AFF1: variants seen among roughly 807,000 people sequenced by gnomAD.
AFF1 encodes ALF transcription elongation factor 1, also known as AF4/FMR2 family member 1.
Under a neutral mutation model 121.7 loss-of-function variants are expected in AFF1, and 48 were observed. The observed-to-expected ratio is 0.39, with a 90% CI of 0.31 to 0.50. The LOEUF is 0.50. Among genes scored for constraint, AFF1 ranks in the 20% least tolerant of loss-of-function variants. The pLI is 0.76. For missense variants in AFF1, 1,523 were observed against 1,511.7 expected (o/e 1.01, Z -0.12); for synonymous variants, 613 against 563.0 (o/e 1.09, Z -1.26).
At chr4:87,119,591 C>T (rs1034498019) in intron 12 of AFF1, among the ~76,000 whole-genome samples, 8 of 152,044 alleles carry the variant, frequency 5.3e-5, no homozygotes, top group African/African-American at 1.4e-4. Flanking sequence ...AAAATAAACA[C>T]GTAACGTGCA....
chr4:87,127,798 G>C (rs1237520810), intron 16 of AFF1, 95 bp downstream of exon 16: 1 of 1,272,274 alleles, frequency 7.9e-7, no homozygotes, highest in South Asian at 1.3e-5. Flanking sequence ...ATATCACTCA[G>C]CGTATGTGCG....
At chr4:87,117,062 C>G (rs933902364) in intron 12 of AFF1, among the ~76,000 whole-genome samples, 1 of 152,144 alleles carries the variant, frequency 6.6e-6, no homozygotes, top group Non-Finnish European at 1.5e-5. Flanking sequence ...CAGGTACTCA[C>G]TTCTGAAAGG....
chr4:87,013,032 CTTTTTTTTTTTTT>C lies in AFF1; in HGVS notation c.39-33120_39-33108del, dbSNP rs61071328. On this transcript the variant is annotated intron_variant, in intron 2 of 20. Transcript: ENST00000395146. Reference sequence around the variant, plus strand: ...AACCAGATTGAACTGCTATCAAGTTCTTTTTTTTTTTTTTTTTTTTTTTTTTGGGAGACGGAGT... The same window carrying C: ...AACCAGATTGAACTGCTATCAAGTTCTTTTTTTTTTTTTGGGAGACGGAGT... Among the ~76,000 whole-genome samples, 86 of 93,490 alleles carry C rather than the reference CTTTTTTTTTTTTT, an allele frequency of 9.2e-4. 1 individual carries two copies. In the East Asian group the frequency reaches 0.026, roughly 28 times the overall value. The allele number at this position is 93,490 out of a possible 152,430, so 61.3% of individuals were successfully genotyped here. A position where few individuals can be genotyped will look rare whatever the true frequency, so the allele number is the denominator to read the frequency against.
In AFF1 at chr4:87,138,454, G is replaced by A. The variant is rs939425061; in HGVS notation, c.*2753G>A. The A allele has an allele frequency of 3.4e-5, 8 of 232,474 alleles. No individual in the cohort carries two copies. The highest frequency in any genetic ancestry group is 8.8e-5 in the African/African-American group (4 of 45,242). 14.4% of individuals were successfully genotyped at this position (232,474 alleles called of 1,614,324 possible). On this transcript the variant is annotated 3_prime_UTR_variant, in exon 21 of 21. Transcript: ENST00000395146. ...ACAAATGCAAAGCATCTTAAGGAGTGAAAATAGAGTGTAAATCTTGCCTTT... is the reference window on the plus strand; with the variant it reads ...ACAAATGCAAAGCATCTTAAGGAGTAAAAATAGAGTGTAAATCTTGCCTTT...
chr4:87,070,901 C>A (rs1196523543), intron 4 of AFF1, among the ~76,000 whole-genome samples: 1 of 152,142 alleles, frequency 6.6e-6, no homozygotes, highest in Non-Finnish European at 1.5e-5. Context: ...GATAGTGTTT[C>A]CACTTTTTAC....
intron 2 of AFF1, among the ~76,000 whole-genome samples, chr4:86,981,733 TTTA>T (rs1249632681): frequency 1.4e-4 from 21 of 150,432 alleles, no homozygotes; most frequent in Non-Finnish European, 1.5e-5. Context: ...GTTAGGACAG[TTTA>T]TTAACTGTGC....
At chr4:86,939,058 A>G (rs930813657) in intron 1 of AFF1, among the ~76,000 whole-genome samples, 6 of 152,332 alleles carry the variant, frequency 3.9e-5, no homozygotes, top group East Asian at 3.9e-4. Flanking sequence ...CCGCGTAAGT[A>G]TTGAGTAGCT....
In AFF1 at chr4:87,115,036, G is replaced by T; in HGVS notation, c.2203G>T (p.Val735Leu). 6.2e-7 allele frequency: 1 copy of T among 1,614,170 alleles called. No homozygotes were observed. Among genetic ancestry groups the T allele is most frequent in the Non-Finnish European group, 8.5e-7 (1 of 1,180,032 alleles). ...CAGGACTAGTGGCTGCCGCCAAGCCGTGGTGGTCCAGGAGGACAGCCGCAA... is the reference window on the plus strand; with the variant it reads ...CAGGACTAGTGGCTGCCGCCAAGCCTTGGTGGTCCAGGAGGACAGCCGCAA... ...GSRTSGCRQA[V>L]VVQEDSRKDR... Residue 735 changes from valine (V) to leucine (L), a missense_variant, in exon 12 of 21, where the codon GTG becomes TTG. Val to Leu is a conservative substitution (Grantham distance 32, BLOSUM62 1). This residue lies in a region of AFF1 where 905 missense variants were observed against 842.5 expected (regional missense o/e 1.07). Transcript: ENST00000395146.
chr4:86,968,396 C>G (rs1266590320), intron 2 of AFF1, among the ~76,000 whole-genome samples: 1 of 152,052 alleles, frequency 6.6e-6, no homozygotes, highest in Non-Finnish European at 1.5e-5. Context: ...AGTGATTTGC[C>G]TGCTTTTTGT....
chr4:86,938,793 C>A (rs1720236713), intron 1 of AFF1, among the ~76,000 whole-genome samples: 1 of 152,236 alleles, frequency 6.6e-6, no homozygotes, highest in South Asian at 2.1e-4. Flanking sequence ...ATAGACTTGA[C>A]ACCATGAGAC....
chr4:86,939,088 C>T (rs1213827312), intron 1 of AFF1, among the ~76,000 whole-genome samples: 1 of 152,028 alleles, frequency 6.6e-6, no homozygotes, highest in African/African-American at 2.4e-5. Flanking sequence ...CAGACGGTAT[C>T]CTAAGCATTG....
chr4:86,980,949 C>CCT (rs1560515093), intron 2 of AFF1, among the ~76,000 whole-genome samples: 2 of 119,278 alleles, frequency 1.7e-5, no homozygotes, highest in Non-Finnish European at 1.8e-5. Flanking sequence ...CTTGAGGCAC[C>CCT]CCCCCCCTCC....
chr4:87,034,466 T>C (rs1451550460), intron 2 of AFF1, among the ~76,000 whole-genome samples: 1 of 152,236 alleles, frequency 6.6e-6, no homozygotes, highest in African/African-American at 2.4e-5. Flanking sequence ...ATGATGTATT[T>C]ATAGCAGCAT....
At chr4:87,088,510 GAA>G (rs2149710917) in intron 5 of AFF1, among the ~76,000 whole-genome samples, 1 of 152,318 alleles carries the variant, frequency 6.6e-6, no homozygotes, top group Admixed American at 6.5e-5. Context: ...CCAGGACTTA[GAA>G]AAGAATGAGG....
At chr4:87,067,893 C>A (rs1317168082) in intron 4 of AFF1, among the ~76,000 whole-genome samples, 1 of 152,072 alleles carries the variant, frequency 6.6e-6, no homozygotes, top group African/African-American at 2.4e-5. Context: ...TTTTATTACT[C>A]GGATTTTTAT....
chr4:87,027,693 T>G (rs1331018355), intron 2 of AFF1, among the ~76,000 whole-genome samples: 1 of 152,162 alleles, frequency 6.6e-6, no homozygotes, highest in Non-Finnish European at 1.5e-5. Context: ...TAAAAAGCCT[T>G]ATTCTCAGAT....
At chr4:87,047,770 C>A in intron 4 of AFF1, 176 bp downstream of exon 4, 1 of 862,200 alleles carries the variant, frequency 1.2e-6, no homozygotes. Flanking sequence ...CTGAGATGGA[C>A]GACTGATTAT....
intron 2 of AFF1, among the ~76,000 whole-genome samples, chr4:87,038,097 A>G (rs762585655): frequency 6.6e-6 from 1 of 152,208 alleles, no homozygotes; most frequent in African/African-American, 2.4e-5. Context: ...AACAACTGAC[A>G]TCGTGCTGTT....
chr4:87,135,591 C>G lies in AFF1; in HGVS notation c.3547C>G (p.Arg1183Gly). The G allele has an allele frequency of 6.4e-7, 1 of 1,572,050 alleles. No homozygotes were observed. The highest frequency in any genetic ancestry group is 8.6e-7 in the Non-Finnish European group (1 of 1,156,202). The change falls in exon 21 of 21, where the codon CGG becomes GGG. Residue 1183 changes from arginine to glycine, a missense_variant. Arg to Gly is a moderately radical substitution (Grantham distance 125). This residue lies in a region of AFF1 where 241 missense variants were observed against 265.2 expected (regional missense o/e 0.91). Coordinates refer to ENST00000395146, the MANE Select transcript of AFF1 (RefSeq NM_001166693.3). ...TGTTTTTTTTGCAGAATTCTTTGCT[C>G]GGCTCAGCACAAATGTGTGCACCTT... ...LTRKNKEFFA[R>G]LSTNVCTLAL...
Sources: allele counts gnomAD v4.1 joint callset (sites outside exome capture counted in the v4.1 genomes callset), GRCh38; gene constraint gnomAD v4.1.1; regional missense constraint gnomAD v4.1.1; transcripts MANE v1.5; gene names NCBI Gene and HGNC (gene_info 2026-07-23, HGNC 2026-07-21).